EDNRB: variants seen among roughly 807,000 people sequenced by gnomAD.
The protein encoded by EDNRB is endothelin receptor type B.
In EDNRB, 18 loss-of-function variants were observed where a neutral mutation model predicts 46.4. The observed-to-expected ratio is 0.39, with a 90% CI of 0.27 to 0.57. The LOEUF is 0.57. Among genes scored for constraint, EDNRB ranks in the 20% least tolerant of loss-of-function variants. The probability of loss-of-function intolerance (pLI) is 0.61; values close to 1 mark genes in which losing one functional copy is unlikely to be tolerated. For synonymous variants in EDNRB, 213 were observed against 204.9 expected, an observed-to-expected ratio of 1.04 and a Z score of -0.34; for missense variants, 434 against 537.5, an observed-to-expected ratio of 0.81 and a Z score of 1.90.
At chr13:77,926,780 T>C (rs1327165034) in intron 1 of EDNRB, among the ~76,000 whole-genome samples, 1 of 152,212 alleles carries the variant, frequency 6.6e-6, no homozygotes, top group Non-Finnish European at 1.5e-5. Flanking sequence ...TCCGTTTTCA[T>C]GCTGCTGATA....
chr13:77,896,382 G>T lies in EDNRB; in HGVS notation c.*1818C>A. The T allele has an allele frequency of 6.7e-7, 1 of 1,502,544 alleles. No homozygotes were observed. Among genetic ancestry groups the T allele is most frequent in the Non-Finnish European group, 8.9e-7 (1 of 1,128,514 alleles). The allele number at this position is 1,502,544 out of a possible 1,614,324, so 93.1% of individuals were successfully genotyped here. A position where few individuals can be genotyped will look rare whatever the true frequency, so the allele number is the denominator to read the frequency against. On this transcript the variant is annotated 3_prime_UTR_variant, in exon 7 of 7. Transcript: ENST00000646607. ...AACAGGCCTCTGAAAAAGTGATTGG[G>T]ATGAAATTAAAGAACAAGTTTGTGG... is the stretch of plus-strand genomic sequence containing the variant.
At chr13:77,966,973 T>C (rs1881600680) in intron 1 of EDNRB, among the ~76,000 whole-genome samples, 1 of 152,152 alleles carries the variant, frequency 6.6e-6, no homozygotes, top group African/African-American at 2.4e-5. Flanking sequence ...ACCCATTCAC[T>C]AAAAACCATG....
rs1879927173 is a variant in EDNRB, at chr13:77,918,404, C to A, written c.170G>T (p.Gly57Val). The A allele has an allele frequency of 6.3e-7, 1 of 1,597,184 alleles. No individual in the cohort carries two copies. Among genetic ancestry groups the A allele is most frequent in the South Asian group, 1.1e-5 (1 of 88,784 alleles). Residue 57 changes from glycine to valine, a missense_variant, in exon 1 of 7, where the codon GGT becomes GTT. Coordinates refer to ENST00000646607, the MANE Select transcript of EDNRB (RefSeq NM_001122659.3). This position sits in a 1 kb window ranked among gnomAD's most constrained non-coding sequence, Gnocchi z 4.5. Reference protein sequence around the residue: ...TPPTKTLWPKGSNASLARSLA... With the variant: ...TPPTKTLWPKVSNASLARSLA... ...CGACCGCGCCAGACTGGCGTTGGAA[C>A]CCTTGGGCCATAAGGTCTTAGTGGG...
intron 1 of EDNRB, among the ~76,000 whole-genome samples, chr13:77,972,547 A>C (rs1881765403): frequency 6.6e-6 from 1 of 152,160 alleles, no homozygotes; most frequent in Non-Finnish European, 1.5e-5. Flanking sequence ...CCTGGTTGGC[A>C]CTGGGGTCTT....
chr13:77,899,072 T>C (rs1221044394), intron 6 of EDNRB, among the ~76,000 whole-genome samples: 1 of 151,852 alleles, frequency 6.6e-6, no homozygotes, highest in Non-Finnish European at 1.5e-5. Flanking sequence ...TAAAAGAAAA[T>C]GAGAAGTCCA....
intron 1 of EDNRB, 132 bp from the exon 2 acceptor site, chr13:77,903,739 C>A: frequency 2.6e-6 from 2 of 772,172 alleles, no homozygotes; most frequent in South Asian, 1.5e-5. Flanking sequence ...TCATGGACTA[C>A]TTCTTTGAAA....
chr13:77,955,845 G>GTATCTATCTATCTATC (rs61434836), intron 1 of EDNRB, among the ~76,000 whole-genome samples: 2 of 145,636 alleles, frequency 1.4e-5, no homozygotes. Context: ...ATGTGTGTGT[G>GTATCTATCTATCTATC]TATCTATCTA....
chr13:77,940,926 G>T (rs1412632411), intron 1 of EDNRB, among the ~76,000 whole-genome samples: 1 of 152,210 alleles, frequency 6.6e-6, no homozygotes, highest in Non-Finnish European at 1.5e-5. Flanking sequence ...GATCCTAGAT[G>T]CCATTCTGGC....
intron 1 of EDNRB, among the ~76,000 whole-genome samples, chr13:77,913,650 G>C (rs111860074): frequency 0.011 from 1,634 of 152,234 alleles, 22 homozygotes; most frequent in African/African-American, 0.028. Context: ...ATTTGCTCAA[G>C]AATTTTTAAC....
At chr13:77,929,807 A>C (rs1880338475) in intron 1 of EDNRB, among the ~76,000 whole-genome samples, 1 of 152,196 alleles carries the variant, frequency 6.6e-6, no homozygotes, top group Non-Finnish European at 1.5e-5. Flanking sequence ...TTTTACCTCG[A>C]TATATCCTCT....
chr13:77,945,876 C>CAAAAAAAA (rs67463440), intron 1 of EDNRB, among the ~76,000 whole-genome samples: 71 of 115,414 alleles, frequency 6.2e-4, no homozygotes, highest in Non-Finnish European at 8.4e-4. Context: ...TGCAAAAAAC[C>CAAAAAAAA]AAAAAAAAAA....
chr13:77,917,236 A>G (rs982604845), intron 1 of EDNRB, among the ~76,000 whole-genome samples: 1 of 152,188 alleles, frequency 6.6e-6, no homozygotes, highest in Non-Finnish European at 1.5e-5. Context: ...TACTTTGATC[A>G]TCCTACCAGT....
At position 77,897,344 on chromosome 13, in the gene EDNRB, A is replaced by C. The variant is rs201203194; in HGVS notation, c.*856T>G. On this transcript the variant is annotated 3_prime_UTR_variant, in exon 7 of 7. Transcript: ENST00000646607. ...TAATAATCCTGAAAAAATTGTAGAT[A>C]GTATTGTCTTCACAGGGTATGTGAA... The C allele has an allele frequency of 1.0e-6, 1 of 985,186 alleles. No homozygotes were observed. The highest frequency in any genetic ancestry group is 1.2e-6 in the Non-Finnish European group (1 of 829,850). 61.0% of individuals were successfully genotyped at this position (985,186 alleles called of 1,614,324 possible).
chr13:77,964,635 C>G (rs528581236), intron 1 of EDNRB, among the ~76,000 whole-genome samples: 6 of 151,918 alleles, frequency 3.9e-5, no homozygotes, highest in African/African-American at 1.4e-4. Context: ...TCATGGGGTG[C>G]GGAGAAGAAG....
chr13:77,926,666 A>G (rs1270117134), intron 1 of EDNRB, among the ~76,000 whole-genome samples: 5 of 152,170 alleles, frequency 3.3e-5, no homozygotes, highest in African/African-American at 1.2e-4. Flanking sequence ...TGAGCCCTCT[A>G]AACTCTTCCA....
At chr13:77,974,045 G>C (rs1370772717) in intron 1 of EDNRB, among the ~76,000 whole-genome samples, 1 of 151,004 alleles carries the variant, frequency 6.6e-6, no homozygotes, top group South Asian at 2.1e-4. Flanking sequence ...TATAAAACAT[G>C]TTACACTGTT....
intron 1 of EDNRB, among the ~76,000 whole-genome samples, chr13:77,935,779 G>T (rs2137658822): frequency 6.6e-6 from 1 of 152,306 alleles, no homozygotes; most frequent in South Asian, 2.1e-4. Flanking sequence ...CTGGGATGAA[G>T]GATGCAAAGG....
chr13:77,896,260 TA>T lies in EDNRB; in HGVS notation c.*1939del. 1 of 439,576 alleles carries T rather than the reference TA, an allele frequency of 2.3e-6. No homozygotes were observed. 27.2% of individuals were successfully genotyped at this position (439,576 alleles called of 1,614,324 possible). A position where few individuals can be genotyped will look rare whatever the true frequency, so the allele number is the denominator to read the frequency against. On this transcript the variant is annotated 3_prime_UTR_variant, in exon 7 of 7. Coordinates refer to ENST00000646607, the MANE Select transcript of EDNRB (RefSeq NM_001122659.3). ...TCAGTACATGGTAATAAAAATAATC[TA>T]AAATTTAAATAGAAATTAAATATAT...
intron 1 of EDNRB, among the ~76,000 whole-genome samples, chr13:77,929,951 G>A (rs1880343471): frequency 6.6e-6 from 1 of 152,152 alleles, no homozygotes; most frequent in East Asian, 1.9e-4. Flanking sequence ...ACTAATATAT[G>A]TTCTGGTTTC....
Sources: allele counts gnomAD v4.1 joint callset (sites outside exome capture counted in the v4.1 genomes callset), GRCh38; gene constraint gnomAD v4.1.1; non-coding constraint Gnocchi (gnomAD v3.1); transcripts MANE v1.5; gene names NCBI Gene and HGNC (gene_info 2026-07-23, HGNC 2026-07-21).